Variants in UEVLD observed in about 807,000 individuals in gnomAD.
UEVLD encodes UEV and lactate/malate dehyrogenase domains.
Under a neutral mutation model 58.6 loss-of-function variants are expected in UEVLD, and 47 were observed. The observed-to-expected ratio is 0.80, with a 90% CI of 0.63 to 1.02. UEVLD has a LOEUF of 1.02. Among genes scored for constraint, UEVLD ranks in the 50% least tolerant of loss-of-function variants. The probability of loss-of-function intolerance (pLI) is 0.00; values close to 1 mark genes in which losing one functional copy is unlikely to be tolerated. For synonymous variants in UEVLD, 197 were observed against 195.3 expected (o/e 1.01, Z -0.07); for missense variants, 510 against 550.6 (o/e 0.93, Z 0.74).
intron 4 of UEVLD, among the ~76,000 whole-genome samples, chr11:18,568,007 T>C (rs1260338765): frequency 6.6e-5 from 10 of 152,072 alleles, no homozygotes; most frequent in East Asian, 1.9e-4. Flanking sequence ...TAGTAGTGGA[T>C]GGTAGACCAT....
chr11:18,537,324 ATTT>A (rs1554974951), intron 9 of UEVLD, among the ~76,000 whole-genome samples: 1 of 131,554 alleles, frequency 7.6e-6, no homozygotes. Context: ...ATATATATAT[ATTT>A]TTTTTTTTTT....
At chr11:18,560,558 G>C (rs922710317) in intron 6 of UEVLD, among the ~76,000 whole-genome samples, 14 of 152,132 alleles carry the variant, frequency 9.2e-5, no homozygotes, top group Admixed American at 3.9e-4. Flanking sequence ...ATGTGTAAAA[G>C]AGTACAATAT....
At chr11:18,541,644 ATTACC>A (rs1298441390) in intron 9 of UEVLD, among the ~76,000 whole-genome samples, 1 of 152,268 alleles carries the variant, frequency 6.6e-6, no homozygotes, top group Non-Finnish European at 1.5e-5. Context: ...GATGTAGTTT[ATTACC>A]TTATAGATTG....
At chr11:18,574,154 TTTA>T (rs1565138183) in intron 3 of UEVLD, among the ~76,000 whole-genome samples, 1 of 152,218 alleles carries the variant, frequency 6.6e-6, no homozygotes, top group Non-Finnish European at 1.5e-5. Flanking sequence ...ACAGTGAACT[TTTA>T]TTGAGACTGA....
intron 3 of UEVLD, among the ~76,000 whole-genome samples, chr11:18,574,797 A>T (rs1404498526): frequency 1.3e-5 from 2 of 152,214 alleles, no homozygotes; most frequent in African/African-American, 4.8e-5. Flanking sequence ...ATCTTAGGTA[A>T]ATCAGACCAG....
Position 18,536,895 on chromosome 11 carries a change from CTTTTTTTT to C in UEVLD, c.1061-434_1061-427del, listed in dbSNP as rs370747121. The C allele has an allele frequency of 3.4e-4, 48 of 139,952 alleles. No homozygotes were observed. The South Asian group carries it at 0.01, about 30-fold the overall frequency. 8.7% of individuals were successfully genotyped at this position (139,952 alleles called of 1,614,324 possible). A position where few individuals can be genotyped will look rare whatever the true frequency, so the allele number is the denominator to read the frequency against. ...GTTACAGAGGCAGAGAATCCTGTTC[CTTTTTTTT>C]TTTTTTTTTTCAGATGGAGTCTTGC... On this transcript the variant is annotated intron_variant, in intron 9 of 11. Transcript: ENST00000396197.
chr11:18,567,510 A>G (rs147933392), intron 4 of UEVLD, among the ~76,000 whole-genome samples: 5 of 152,338 alleles, frequency 3.3e-5, no homozygotes, highest in Admixed American at 3.3e-4. Flanking sequence ...AGGTAACGTT[A>G]AATGTGTGAA....
intron 9 of UEVLD, among the ~76,000 whole-genome samples, chr11:18,537,329 T>A (rs867901789): frequency 0.19 from 26,543 of 143,464 alleles, 2,826 homozygotes; most frequent in African/African-American, 0.29. Context: ...TATATATTTT[T>A]TTTTTTTTTT....
chr11:18,549,511 C>A (rs766814157), intron 7 of UEVLD, among the ~76,000 whole-genome samples: 2 of 151,224 alleles, frequency 1.3e-5, no homozygotes, highest in African/African-American at 4.9e-5. Context: ...CTCTGCCTCC[C>A]GGTTTCAAGT....
At chr11:18,541,912 G>A (rs1389514425) in intron 9 of UEVLD, among the ~76,000 whole-genome samples, 1 of 152,122 alleles carries the variant, frequency 6.6e-6, no homozygotes, top group Non-Finnish European at 1.5e-5. Flanking sequence ...TTCCACGCAG[G>A]TCACTTTTAC....
At chr11:18,538,210 C>T (rs1181729693) in intron 9 of UEVLD, among the ~76,000 whole-genome samples, 2 of 152,252 alleles carry the variant, frequency 1.3e-5, no homozygotes, top group East Asian at 3.9e-4. Context: ...GCCTCCCTTC[C>T]TCAAACTGAT....
intron 3 of UEVLD, chr11:18,570,745 C>CAAAAAAAAAAAAAAAAAA (rs559788859): frequency 1.5e-5 from 1 of 67,762 alleles, no homozygotes; most frequent in Non-Finnish European, 3.4e-5. Context: ...GACACTGTTT[C>CAAAAAAAAAAAAAAAAAA]AAAAAAAAAA....
intron 7 of UEVLD, among the ~76,000 whole-genome samples, chr11:18,554,478 C>T (rs1851671003): frequency 6.8e-6 from 1 of 146,866 alleles, no homozygotes; most frequent in South Asian, 2.2e-4. Context: ...CTCACTGCAA[C>T]CTCCGCCTAC....
At chr11:18,569,080 G>A (rs1852452810) in intron 4 of UEVLD, among the ~76,000 whole-genome samples, 2 of 152,164 alleles carry the variant, frequency 1.3e-5, no homozygotes, top group South Asian at 2.1e-4. Context: ...ATTTTTAGTA[G>A]AGACAGGGTT....
chr11:18,537,467 A>G (rs1850857211), intron 9 of UEVLD, among the ~76,000 whole-genome samples: 1 of 151,074 alleles, frequency 6.6e-6, no homozygotes, highest in Admixed American at 6.6e-5. Context: ...AGTAGCTGGG[A>G]CTACAGGCAC....
intron 1 of UEVLD, among the ~76,000 whole-genome samples, chr11:18,584,906 C>T (rs1565147651): frequency 1.3e-5 from 2 of 152,290 alleles, no homozygotes; most frequent in Non-Finnish European, 2.9e-5. Flanking sequence ...GCTGGGATTA[C>T]AGGTGTGTGC....
intron 7 of UEVLD, among the ~76,000 whole-genome samples, chr11:18,553,150 G>A (rs1462212793): frequency 9.4e-5 from 8 of 84,958 alleles, no homozygotes; most frequent in Non-Finnish European, 1.3e-4. Context: ...GTGAGGTTCC[G>A]TCTCAAAAAA....
chr11:18,564,625 T>G (rs1852205704), intron 6 of UEVLD, among the ~76,000 whole-genome samples: 1 of 152,200 alleles, frequency 6.6e-6, no homozygotes. Flanking sequence ...ACAAAAGAAT[T>G]TGTGATTAAG....
intron 3 of UEVLD, among the ~76,000 whole-genome samples, chr11:18,572,302 T>C (rs1852666390): frequency 6.6e-6 from 1 of 152,178 alleles, no homozygotes; most frequent in Non-Finnish European, 1.5e-5. Flanking sequence ...AGAAAAAGTA[T>C]CATTATAACT....
Sources: gnomAD v4.1 joint callset for allele counts (sites outside exome capture counted in the v4.1 genomes callset) on GRCh38, gnomAD v4.1.1 for gene constraint, MANE v1.5 for transcripts, NCBI Gene and HGNC (gene_info 2026-07-23, HGNC 2026-07-21) for gene names.